SNX29: variants seen among roughly 807,000 people sequenced by gnomAD.
The protein encoded by SNX29 is sorting nexin-29.
A neutral mutation model predicts 102.1 loss-of-function variants in SNX29; 78 were observed. The ratio of observed to expected loss-of-function variants is 0.76; its 90% CI spans 0.64 to 0.92. The LOEUF (loss-of-function observed/expected upper bound fraction) is 0.92, where lower values mean the gene tolerates loss of function less well. Among genes scored for constraint, SNX29 ranks in the 40% least tolerant of loss-of-function variants. SNX29 has a pLI of 0.00. For synonymous variants in SNX29, 580 were observed against 414.5 expected (o/e 1.40, Z -4.85); for missense variants, 1,280 against 1,061.7 (o/e 1.21, Z -2.86).
intron 16 of SNX29, among the ~76,000 whole-genome samples, chr16:12,392,297 T>C (rs998292265): frequency 6.6e-6 from 1 of 152,224 alleles, no homozygotes; most frequent in Non-Finnish European, 1.5e-5. Flanking sequence ...CTAAGTGGTA[T>C]TGCAACAAAT....
intron 11 of SNX29, among the ~76,000 whole-genome samples, chr16:12,103,296 T>A (rs2053095294): frequency 6.6e-6 from 1 of 152,210 alleles, no homozygotes; most frequent in Non-Finnish European, 1.5e-5. Flanking sequence ...GTTACCTGAC[T>A]TCAAACTGTA....
rs139440675 is a variant in SNX29 at position 12,047,091 on chromosome 16, C to T, written c.499+637C>T. ...GCTACCTGGTGACCTGGGCAGATGCCGTAAGCTTTGCTGCCTTTTCTTTCC... is the reference window on the plus strand; with the variant it reads ...GCTACCTGGTGACCTGGGCAGATGCTGTAAGCTTTGCTGCCTTTTCTTTCC... On this transcript the variant is annotated intron_variant, in intron 6 of 20. Coordinates refer to ENST00000566228, the MANE Select transcript of SNX29 (RefSeq NM_032167.5). 2.9e-3 allele frequency among the ~76,000 whole-genome samples: 441 copies of T among 152,260 alleles called. 1 individual carries two copies. The highest frequency in any genetic ancestry group is 0.01 in the African/African-American group (417 of 41,546).
chr16:12,538,895 TA>T (rs2077198147), intron 20 of SNX29, among the ~76,000 whole-genome samples: 1 of 144,304 alleles, frequency 6.9e-6, no homozygotes, highest in African/African-American at 2.8e-5. Flanking sequence ...TTGCACAGAT[TA>T]ATGACCTGTT....
chr16:12,161,139 C>G (rs941117500), intron 13 of SNX29, among the ~76,000 whole-genome samples: 1 of 152,214 alleles, frequency 6.6e-6, no homozygotes, highest in Non-Finnish European at 1.5e-5. Flanking sequence ...TCTGATACCT[C>G]GTCACGTTCT....
At chr16:12,266,194 G>A (rs1347823892) in intron 14 of SNX29, among the ~76,000 whole-genome samples, 1 of 152,128 alleles carries the variant, frequency 6.6e-6, no homozygotes, top group Admixed American at 6.5e-5. Flanking sequence ...CAAAGTGCTG[G>A]GGTTGCAGGT....
At chr16:12,403,244 GTGTGTGTGTGTA>G (rs2084026356) in intron 17 of SNX29, among the ~76,000 whole-genome samples, 192 bp from the exon 18 acceptor site, 1 of 144,338 alleles carries the variant, frequency 6.9e-6, no homozygotes, top group African/African-American at 2.6e-5. Flanking sequence ...GTGTGTGTGT[GTGTGTGTGTGTA>G]GAGAGAGACA....
intron 14 of SNX29, among the ~76,000 whole-genome samples, chr16:12,210,709 C>A (rs902573433): frequency 3.9e-5 from 6 of 151,992 alleles, no homozygotes; most frequent in Non-Finnish European, 8.8e-5. Flanking sequence ...ACCTGCTGGC[C>A]ATTTTCTCTC....
intron 3 of SNX29, among the ~76,000 whole-genome samples, chr16:12,015,361 G>A (rs1268029148): frequency 1.3e-5 from 2 of 151,738 alleles, no homozygotes; most frequent in East Asian, 1.9e-4. Flanking sequence ...CTGCCTCAGC[G>A]TCCGGAGTAG....
chr16:12,229,447 G>C (rs1479672059), intron 14 of SNX29, among the ~76,000 whole-genome samples: 1 of 152,196 alleles, frequency 6.6e-6, no homozygotes, highest in African/African-American at 2.4e-5. Context: ...TCATCTCCCT[G>C]ATGTCAAATG....
intron 16 of SNX29, 45 bp from the exon 17 acceptor site, chr16:12,398,401 C>A (rs986397875): frequency 6.3e-7 from 1 of 1,595,606 alleles, no homozygotes; most frequent in Non-Finnish European, 8.6e-7. Context: ...ACCATGGTAA[C>A]CATTATGCAT....
intron 15 of SNX29, among the ~76,000 whole-genome samples, chr16:12,324,050 G>A (rs2151186749): frequency 6.6e-6 from 1 of 152,196 alleles, no homozygotes; most frequent in South Asian, 2.1e-4. Context: ...CTGAGATCCA[G>A]CCAGTCTGCA....
chr16:12,143,352 G>A (rs147506713), intron 13 of SNX29, among the ~76,000 whole-genome samples: 70 of 152,230 alleles, frequency 4.6e-4, no homozygotes, highest in Non-Finnish European at 7.5e-4. Flanking sequence ...TTCCATTTTC[G>A]TGGGGCTACT....
At chr16:12,046,201 G>T (rs1469194325) in intron 5 of SNX29, among the ~76,000 whole-genome samples, 183 bp from the exon 6 acceptor site, 1 of 152,222 alleles carries the variant, frequency 6.6e-6, no homozygotes, top group Non-Finnish European at 1.5e-5. Flanking sequence ...GTTGTAGGAT[G>T]TAAGTGTTCA....
At chr16:12,027,524 G>A (rs1463520626) in intron 4 of SNX29, 80 bp downstream of exon 4, 1 of 1,555,180 alleles carries the variant, frequency 6.4e-7, no homozygotes, top group Non-Finnish European at 8.7e-7. Context: ...TTTAATAGTG[G>A]GCAGGGCAGT....
At chr16:12,323,611 T>G (rs2081029643) in intron 15 of SNX29, among the ~76,000 whole-genome samples, 1 of 152,102 alleles carries the variant, frequency 6.6e-6, no homozygotes, top group African/African-American at 2.4e-5. Flanking sequence ...GGGAAAAGCT[T>G]TGTCTGGCAT....
At chr16:12,439,404 G>C (rs1349612312) in intron 18 of SNX29, among the ~76,000 whole-genome samples, 2 of 152,192 alleles carry the variant, frequency 1.3e-5, no homozygotes, top group Non-Finnish European at 2.9e-5. Context: ...TTTTACACTT[G>C]TGATAAAGAC....
intron 11 of SNX29, among the ~76,000 whole-genome samples, chr16:12,086,172 T>G (rs755617694): frequency 1.3e-5 from 2 of 151,774 alleles, no homozygotes; most frequent in Non-Finnish European, 2.9e-5. Flanking sequence ...CCTGGCTAAT[T>G]TTTTGTAATT....
chr16:12,046,534 T>A (rs1238932553), intron 6 of SNX29, 80 bp downstream of exon 6: 5 of 1,335,198 alleles, frequency 3.7e-6, no homozygotes, highest in Non-Finnish European at 5.4e-6. Flanking sequence ...CACAGCGCCA[T>A]GGAGTGTTGT....
intron 1 of SNX29, among the ~76,000 whole-genome samples, chr16:11,996,488 A>T (rs1338732566): frequency 6.6e-6 from 1 of 152,220 alleles, no homozygotes; most frequent in African/African-American, 2.4e-5. Context: ...CACTAGGGAG[A>T]TGAAAGAGAT....
Sources: gnomAD v4.1 joint callset for allele counts (sites outside exome capture counted in the v4.1 genomes callset) on GRCh38, gnomAD v4.1.1 for gene constraint, MANE v1.5 for transcripts, NCBI Gene and HGNC (gene_info 2026-07-23, HGNC 2026-07-21) for gene names.